Variants in TASP1 observed in about 807,000 individuals in gnomAD.
The protein encoded by TASP1 is threonine aspartase 1.
A neutral mutation model predicts 56.6 loss-of-function variants in TASP1; 16 were observed. The ratio of observed to expected loss-of-function variants is 0.28; its 90% confidence interval spans 0.19 to 0.43. The LOEUF is 0.43. TASP1 is among the 20% of genes least tolerant of loss of function. The pLI is 1.00. For missense variants in TASP1, 393 were observed against 511.6 expected (o/e 0.77, Z 2.24); for synonymous variants, 179 against 184.2 (o/e 0.97, Z 0.23).
At chr20:13,360,152 A>G in the TASP1 span, among the ~76,000 whole-genome samples, 1 of 151,092 alleles carries the variant, frequency 6.6e-6, no homozygotes, top group Non-Finnish European at 1.5e-5. Context: ...ATACTCTCCT[A>G]TCCTCAATAC....
intron 10 of TASP1, among the ~76,000 whole-genome samples, chr20:13,522,409 G>C (rs781411474): frequency 6.6e-6 from 1 of 152,140 alleles, no homozygotes; most frequent in Admixed American, 6.5e-5. Context: ...AACGTGCTGA[G>C]AAGTGGTCAG....
chr20:13,330,429 G>A, the TASP1 span, among the ~76,000 whole-genome samples: 2 of 151,818 alleles, frequency 1.3e-5, no homozygotes, highest in Non-Finnish European at 2.9e-5. Context: ...CTAATATTAT[G>A]ATGTGGACTT....
chr20:13,497,508 T>C (rs1220748715), intron 10 of TASP1, among the ~76,000 whole-genome samples: 2 of 151,924 alleles, frequency 1.3e-5, no homozygotes, highest in Non-Finnish European at 2.9e-5. Context: ...AGAGAGAAAT[T>C]CCCCCTTCCT....
chr20:13,423,046 TA>T (rs2042499933), intron 12 of TASP1, among the ~76,000 whole-genome samples: 1 of 152,212 alleles, frequency 6.6e-6, no homozygotes, highest in South Asian at 2.1e-4. Flanking sequence ...TGCCTTTATA[TA>T]TATAAAATAA....
intron 10 of TASP1, among the ~76,000 whole-genome samples, chr20:13,524,256 CCTT>C (rs2044885367): frequency 1.3e-5 from 2 of 151,960 alleles, no homozygotes; most frequent in Admixed American, 1.3e-4. Context: ...TTTTTCCCCT[CCTT>C]CTGATCTTCT....
chr20:13,106,823 A>G, the TASP1 span, among the ~76,000 whole-genome samples: 3 of 152,220 alleles, frequency 2.0e-5, no homozygotes, highest in Non-Finnish European at 2.9e-5. Context: ...GTAGAAATGC[A>G]TAAGACCTCT....
chr20:13,425,874 T>C (rs780849578), intron 12 of TASP1, among the ~76,000 whole-genome samples: 85 of 152,140 alleles, frequency 5.6e-4, no homozygotes, highest in Non-Finnish European at 4.0e-4. Flanking sequence ...TTAAGACTCA[T>C]ATAATGCATG....
At chr20:13,287,908 G>A in the TASP1 span, among the ~76,000 whole-genome samples, 2 of 152,180 alleles carry the variant, frequency 1.3e-5, no homozygotes, top group South Asian at 4.2e-4. Context: ...GGGCCACTGG[G>A]TAGGTACTCT....
chr20:13,269,800 A>G, the TASP1 span, among the ~76,000 whole-genome samples: 1 of 151,896 alleles, frequency 6.6e-6, no homozygotes, highest in Non-Finnish European at 1.5e-5. Flanking sequence ...TTATCTATGG[A>G]TTTATTGTTT....
At chr20:13,129,724 A>G in the TASP1 span, among the ~76,000 whole-genome samples, 1 of 152,236 alleles carries the variant, frequency 6.6e-6, no homozygotes, top group African/African-American at 2.4e-5. Context: ...AACTTGCTCT[A>G]TTGATCTGAT....
intron 2 of TASP1, 52 bp from the exon 3 acceptor site, chr20:13,625,304 C>T: frequency 5.5e-6 from 8 of 1,464,816 alleles, no homozygotes; most frequent in African/African-American, 1.4e-5. Flanking sequence ...AGAGACCTTG[C>T]TTATGTTATA....
At chr20:13,488,717 C>T (rs1053127853) in intron 10 of TASP1, among the ~76,000 whole-genome samples, 19 of 152,148 alleles carry the variant, frequency 1.2e-4, no homozygotes, top group Admixed American at 1.0e-3. Flanking sequence ...TCAGCAGTAA[C>T]GTGAACTCCT....
intron 4 of TASP1, among the ~76,000 whole-genome samples, chr20:13,601,687 GA>G: frequency 6.6e-6 from 1 of 151,966 alleles, no homozygotes; most frequent in Non-Finnish European, 1.5e-5. Flanking sequence ...TATATGTGTA[GA>G]GGGAAAAAAG....
chr20:13,106,774 T>A, the TASP1 span, among the ~76,000 whole-genome samples: 1 of 152,204 alleles, frequency 6.6e-6, no homozygotes, highest in Non-Finnish European at 1.5e-5. Context: ...AGCCTGGGCA[T>A]TTTCTTTTCC....
the TASP1 span, among the ~76,000 whole-genome samples, chr20:13,311,216 T>TGATAGATAGATAGATAGATAGATA: frequency 6.1e-3 from 810 of 133,198 alleles, 8 homozygotes; most frequent in African/African-American, 8.5e-3. Context: ...TATAGATAGA[T>TGATAGATAGATAGATAGATAGATA]GATAGATAGA....
chr20:13,187,732 CAAAAAAAAAAAAAAA>C, the TASP1 span, among the ~76,000 whole-genome samples: 9 of 57,154 alleles, frequency 1.6e-4, no homozygotes, highest in Admixed American at 5.0e-4. Flanking sequence ...GACTCCATCT[CAAAAAAAAAAAAAAA>C]AAAAAAAAAA....
the TASP1 span, among the ~76,000 whole-genome samples, chr20:13,232,789 TTGAATCCCAGGA>T: frequency 2.6e-5 from 4 of 152,346 alleles, no homozygotes; most frequent in African/African-American, 9.6e-5. Context: ...CATTTGAAGG[TTGAATCCCAGGA>T]TGATATTTTT....
At chr20:13,299,300 G>T in the TASP1 span, 1 of 1,613,412 alleles carries the variant, frequency 6.2e-7, no homozygotes, top group Non-Finnish European at 8.5e-7. The surrounding 1 kb of genome is among the most constrained non-coding windows in gnomAD (Gnocchi z 5.8). Context: ...AGTTCTCCGC[G>T]GAGCTCCACT....
At chr20:13,182,615 C>T in the TASP1 span, among the ~76,000 whole-genome samples, 1 of 152,152 alleles carries the variant, frequency 6.6e-6, no homozygotes, top group Non-Finnish European at 1.5e-5. Flanking sequence ...AATCCAATGC[C>T]AATCAATTGT....
Sources: allele counts gnomAD v4.1 joint callset (sites outside exome capture counted in the v4.1 genomes callset), GRCh38; gene constraint gnomAD v4.1.1; non-coding constraint Gnocchi (gnomAD v3.1); transcripts MANE v1.5; gene names NCBI Gene and HGNC (gene_info 2026-07-23, HGNC 2026-07-21).